B4GALNT3: variants seen among roughly 807,000 people sequenced by gnomAD.
B4GALNT3 encodes beta-1,4-N-acetyl-galactosaminyltransferase 3.
In B4GALNT3, 86 loss-of-function variants were observed where a neutral mutation model predicts 120.2. That is an observed-to-expected ratio of 0.72 (90% CI 0.60 to 0.86). The LOEUF (loss-of-function observed/expected upper bound fraction) is 0.86. B4GALNT3 is among the 40% of genes least tolerant of loss of function. B4GALNT3 has a pLI of 0.00. For missense variants in B4GALNT3, 1,167 were observed against 1,298.9 expected (o/e 0.90, Z 1.56); for synonymous variants, 518 against 510.4 (o/e 1.01, Z -0.20).
At chr12:519,608 T>C (rs1565600951) in intron 1 of B4GALNT3, among the ~76,000 whole-genome samples, 1 of 146,536 alleles carries the variant, frequency 6.8e-6, no homozygotes, top group East Asian at 1.9e-4. Context: ...TTTTTTTTTT[T>C]TTTTTCCGGT....
chr12:545,038 A>G (rs1479827927), intron 5 of B4GALNT3, 66 bp downstream of exon 5: 12 of 1,583,310 alleles, frequency 7.6e-6, no homozygotes, highest in Non-Finnish European at 1.0e-5. Context: ...CCCAAAGAAC[A>G]TAAGATAAGG....
intron 1 of B4GALNT3, among the ~76,000 whole-genome samples, chr12:478,602 G>C (rs1484208084): frequency 3.9e-5 from 6 of 152,338 alleles, no homozygotes; most frequent in African/African-American, 1.4e-4. Flanking sequence ...GATATTTTCA[G>C]TGATGATTCT....
Position 460,466 on chromosome 12 carries a change from C to A in B4GALNT3, c.90C>A (p.Ala30=). 2 of 1,585,516 alleles carry A rather than the reference C, an allele frequency of 1.3e-6. No individual in the cohort carries two copies. The highest frequency in any genetic ancestry group is 1.7e-6 in the Non-Finnish European group (2 of 1,167,676). The change falls in exon 1 of 20, where the codon GCC becomes GCA. Residue 30 remains alanine (A), a synonymous_variant. Transcript: ENST00000266383. The surrounding 1 kb of genome is among the most constrained non-coding windows in gnomAD (Gnocchi z 8.0). ...GCTTCCGGCTGCTGCTGGCGCTCGCCGTGGTGTCTGTGGGGCTCTGGACTC... is the reference window on the plus strand; with the variant it reads ...GCTTCCGGCTGCTGCTGGCGCTCGCAGTGGTGTCTGTGGGGCTCTGGACTC... ...RRRFRLLLAL[A]VVSVGLWTLY... is the part of the protein sequence containing the mutation.
chr12:558,660 G>GT lies in B4GALNT3; in HGVS notation c.2760_2761insT (p.Gly921TrpfsTer17), dbSNP rs1947188801. 6.2e-7 allele frequency: 1 copy of GT among 1,613,716 alleles called. No homozygotes were observed. Among genetic ancestry groups the GT allele is most frequent in the Non-Finnish European group, 8.5e-7 (1 of 1,179,914 alleles). On this transcript the variant is annotated frameshift_variant and splice_region_variant, in exon 18 of 20. Coordinates refer to ENST00000266383, the MANE Select transcript of B4GALNT3 (RefSeq NM_173593.4). LOFTEE classifies it high-confidence loss of function. Reference sequence around the variant, plus strand: ...GTGGGGCCACCCCCCAGTGGCCTGAGGGTGAGCCCTGCTCAGACTGGGGAG... The same window carrying GT: ...GTGGGGCCACCCCCCAGTGGCCTGAGTGGTGAGCCCTGCTCAGACTGGGGAG...
intron 1 of B4GALNT3, among the ~76,000 whole-genome samples, chr12:466,207 G>A (rs182847251): frequency 1.3e-5 from 2 of 152,214 alleles, no homozygotes; most frequent in East Asian, 1.9e-4. Context: ...AAGTGCTTCC[G>A]TGCTGGCTTC....
intron 7 of B4GALNT3, among the ~76,000 whole-genome samples, chr12:547,728 A>G (rs1187953768): frequency 6.6e-6 from 1 of 152,154 alleles, no homozygotes; most frequent in Non-Finnish European, 1.5e-5. Context: ...GAAAGCATTT[A>G]GAACAGTGTC....
chr12:561,210 A>G (rs904659481), intron 19 of B4GALNT3, 133 bp from the exon 20 acceptor site: 2 of 638,912 alleles, frequency 3.1e-6, no homozygotes, highest in Non-Finnish European at 5.5e-6. Context: ...CTGGCTTCAA[A>G]GCCCACAGCC....
At chr12:520,023 T>C (rs1234136797) in intron 1 of B4GALNT3, among the ~76,000 whole-genome samples, 1 of 152,194 alleles carries the variant, frequency 6.6e-6, no homozygotes, top group Non-Finnish European at 1.5e-5. Flanking sequence ...CTCCACTTCA[T>C]ACTTCACTGT....
At chr12:504,757 A>G (rs533379037) in intron 1 of B4GALNT3, among the ~76,000 whole-genome samples, 1 of 152,232 alleles carries the variant, frequency 6.6e-6, no homozygotes, top group African/African-American at 2.4e-5. Context: ...ATTAATTATC[A>G]TCACCATGTT....
At chr12:522,434 C>T (rs1395279615) in intron 1 of B4GALNT3, among the ~76,000 whole-genome samples, 2 of 152,188 alleles carry the variant, frequency 1.3e-5, no homozygotes, top group East Asian at 3.8e-4. Flanking sequence ...TATGATTCCA[C>T]TTCTGTGAGG....
At chr12:463,115 C>T (rs1946038516) in intron 1 of B4GALNT3, among the ~76,000 whole-genome samples, 1 of 152,208 alleles carries the variant, frequency 6.6e-6, no homozygotes, top group Admixed American at 6.5e-5. Context: ...CAATCCCTGC[C>T]AACTCACTCC....
At chr12:554,872 A>G (rs1465329243) in intron 14 of B4GALNT3, among the ~76,000 whole-genome samples, 1 of 150,444 alleles carries the variant, frequency 6.6e-6, no homozygotes, top group Non-Finnish European at 1.5e-5. Flanking sequence ...GAACGTTTTC[A>G]TCATCTTTGA....
intron 1 of B4GALNT3, among the ~76,000 whole-genome samples, chr12:494,670 A>G (rs1946372200): frequency 3.3e-5 from 5 of 152,086 alleles, no homozygotes; most frequent in Admixed American, 2.6e-4. Context: ...ACGCTGGGAC[A>G]TTGGAACAGG....
At chr12:480,455 C>CATTACGGAAGGCTTGACGG (rs879357853) in intron 1 of B4GALNT3, among the ~76,000 whole-genome samples, 3 of 21,302 alleles carry the variant, frequency 1.4e-4, no homozygotes, top group Admixed American at 4.4e-4. Context: ...GTCCCTCTGA[C>CATTACGGAAGGCTTGACGG]CCTGACATTA....
chr12:476,331 C>T (rs896700773), intron 1 of B4GALNT3, among the ~76,000 whole-genome samples: 4 of 152,158 alleles, frequency 2.6e-5, no homozygotes, highest in African/African-American at 9.7e-5. Flanking sequence ...CATCTGTAAT[C>T]GCAGTGCTTT....
chr12:549,286 G>T (rs867154479), intron 9 of B4GALNT3, among the ~76,000 whole-genome samples: 2 of 152,130 alleles, frequency 1.3e-5, no homozygotes, highest in Non-Finnish European at 2.9e-5. Context: ...CCCGTCTGTT[G>T]TATGATGTTG....
intron 1 of B4GALNT3, among the ~76,000 whole-genome samples, chr12:514,421 T>A (rs539586799): frequency 6.6e-6 from 1 of 151,794 alleles, no homozygotes; most frequent in South Asian, 2.1e-4. Flanking sequence ...ATGGTCTCGA[T>A]CTACTGACCT....
intron 1 of B4GALNT3, among the ~76,000 whole-genome samples, chr12:495,022 A>T (rs1428073613): frequency 1.3e-5 from 2 of 152,296 alleles, no homozygotes; most frequent in East Asian, 3.9e-4. Flanking sequence ...CAGTGCCGGC[A>T]TTTTACTATT....
chr12:463,585 A>G (rs1946046471), intron 1 of B4GALNT3, among the ~76,000 whole-genome samples: 1 of 152,110 alleles, frequency 6.6e-6, no homozygotes, highest in Non-Finnish European at 1.5e-5. Context: ...CCTATATCAA[A>G]ATGGTTGTAA....
Sources: allele counts gnomAD v4.1 joint callset (sites outside exome capture counted in the v4.1 genomes callset), GRCh38; gene constraint gnomAD v4.1.1; non-coding constraint Gnocchi (gnomAD v3.1); transcripts MANE v1.5; gene names NCBI Gene and HGNC (gene_info 2026-07-23, HGNC 2026-07-21).